The following SHLD1 variants were observed in gnomAD, a reference collection of about 807,000 sequenced individuals.
SHLD1 encodes shieldin complex subunit 1, also known as RINN1-REV7-interacting novel NHEJ regulator 3.
A neutral mutation model predicts 5.5 loss-of-function variants in SHLD1; 3 were observed. The ratio of observed to expected loss-of-function variants is 0.54; its 90% confidence interval spans 0.25 to 1.40. The LOEUF is 1.40. Among genes scored for constraint, SHLD1 ranks in the 40% most tolerant of loss-of-function variants. The pLI is 0.15. For synonymous variants in SHLD1, 92 were observed against 94.3 expected, an observed-to-expected ratio of 0.98 and a Z score of 0.14; for missense variants, 210 against 244.4, an observed-to-expected ratio of 0.86 and a Z score of 0.94.
intron 2 of SHLD1, among the ~76,000 whole-genome samples, chr20:5,785,066 T>A (rs145292716): frequency 6.6e-6 from 1 of 152,342 alleles, no homozygotes; most frequent in East Asian, 1.9e-4. Context: ...TACTCAGCTA[T>A]GTCTTCTTAA....
At chr20:5,826,926 C>A (rs1404451801) in intron 2 of SHLD1, among the ~76,000 whole-genome samples, 2 of 150,520 alleles carry the variant, frequency 1.3e-5, no homozygotes, top group Admixed American at 1.3e-4. Flanking sequence ...CACCACATCA[C>A]CACCTACCAT....
At chr20:5,789,150 GAAGAA>G (rs2122297716) in intron 2 of SHLD1, among the ~76,000 whole-genome samples, 2 of 147,442 alleles carry the variant, frequency 1.4e-5, no homozygotes, top group South Asian at 4.3e-4. Flanking sequence ...AAACAAAAAA[GAAGAA>G]AAGAAAAAGT....
At chr20:5,801,651 C>T (rs1249417229) in intron 2 of SHLD1, among the ~76,000 whole-genome samples, 1 of 152,152 alleles carries the variant, frequency 6.6e-6, no homozygotes, top group African/African-American at 2.4e-5. Context: ...AGCCACAGCT[C>T]AAGTGTGCAC....
At chr20:5,826,527 C>G (rs183803189) in intron 2 of SHLD1, among the ~76,000 whole-genome samples, 40 of 152,194 alleles carry the variant, frequency 2.6e-4, no homozygotes, top group African/African-American at 9.6e-4. Flanking sequence ...AAGTGGCTTT[C>G]CTTTGACAGT....
Position 5,817,430 on chromosome 20 carries a change from CTCTG to C in SHLD1, c.178+44389_178+44392del, listed in dbSNP as rs1311187245. 4.2e-3 allele frequency among the ~76,000 whole-genome samples: 417 copies of C among 99,464 alleles called. 1 individual carries two copies. The highest frequency in any genetic ancestry group is 7.9e-3 in the East Asian group (29 of 3,666). 65.3% of individuals were successfully genotyped at this position (99,464 alleles called of 152,430 possible). On this transcript the variant is annotated intron_variant, in intron 2 of 2. Coordinates refer to ENST00000303142, the MANE Select transcript of SHLD1 (RefSeq NM_152504.4). ...TCTCTCTCTCTCTCTCTCTCTCTCT[CTCTG>C]TGTGTGTGTGTGTGTGTGTGTGTGT...
At chr20:5,807,460 T>G (rs1192073066) in intron 2 of SHLD1, among the ~76,000 whole-genome samples, 1 of 152,080 alleles carries the variant, frequency 6.6e-6, no homozygotes, top group Non-Finnish European at 1.5e-5. Flanking sequence ...AGCCTTGAAC[T>G]CCTGGGCTCA....
intron 1 of SHLD1, among the ~76,000 whole-genome samples, chr20:5,755,720 T>G (rs886837897): frequency 1.3e-5 from 2 of 152,010 alleles, no homozygotes; most frequent in Non-Finnish European, 2.9e-5. Context: ...CCACCGCGCC[T>G]GGCTAATTTT....
chr20:5,864,347 C>T lies in SHLD1; in HGVS notation c.*884C>T, dbSNP rs901375626. Among the ~76,000 whole-genome samples the T allele has an allele frequency of 2.6e-5, 4 of 152,228 alleles. No individual in the cohort carries two copies. The highest frequency in any genetic ancestry group is 7.2e-5 in the African/African-American group (3 of 41,458). ...ATTATGCTACGCTAGGCTGATGCCA[C>T]GTGGCCTTGTCAAGTTGTGTTTGAA... On this transcript the variant is annotated 3_prime_UTR_variant, in exon 3 of 3. Transcript: ENST00000303142.
At chr20:5,791,563 C>CAAAAAAA (rs34606715) in intron 2 of SHLD1, among the ~76,000 whole-genome samples, 3 of 61,012 alleles carry the variant, frequency 4.9e-5, no homozygotes, top group South Asian at 6.0e-4. Context: ...GACCCTGTCT[C>CAAAAAAA]AAAAAAAAAA....
At chr20:5,816,747 A>G (rs1271242621) in intron 2 of SHLD1, among the ~76,000 whole-genome samples, 6 of 152,174 alleles carry the variant, frequency 3.9e-5, no homozygotes, top group Non-Finnish European at 5.9e-5. Flanking sequence ...AGATATTCCT[A>G]TTTGTCATAC....
chr20:5,775,219 T>G (rs1211960082), intron 2 of SHLD1, among the ~76,000 whole-genome samples: 5 of 152,054 alleles, frequency 3.3e-5, no homozygotes, highest in Non-Finnish European at 2.9e-5. Context: ...TTTTTTAATT[T>G]TTTTGTAGAG....
At chr20:5,842,492 G>C (rs945040470) in intron 2 of SHLD1, among the ~76,000 whole-genome samples, 2 of 152,118 alleles carry the variant, frequency 1.3e-5, no homozygotes, top group African/African-American at 4.8e-5. Flanking sequence ...TTGCCTTCTT[G>C]TTTACAGAAC....
In SHLD1 at chr20:5,824,304, A is replaced by G. The variant is rs116803570; in HGVS notation, c.179-38720A>G. The stretch of plus-strand genomic sequence containing the variant: ...GATCTCTGCTCAGATGTGACTTCCA[A>G]GAAGCCTTCTTGCCTTCCCCATCCA... On this transcript the variant is annotated intron_variant, in intron 2 of 2. Transcript: ENST00000303142. 1.0e-2 allele frequency among the ~76,000 whole-genome samples: 1,521 copies of G among 152,336 alleles called. 27 individuals carry two copies. The highest frequency in any genetic ancestry group is 0.035 in the African/African-American group (1,452 of 41,578).
intron 2 of SHLD1, among the ~76,000 whole-genome samples, chr20:5,811,110 G>A (rs1429306115): frequency 6.6e-6 from 1 of 152,078 alleles, no homozygotes; most frequent in Non-Finnish European, 1.5e-5. Flanking sequence ...GGTGATCGAT[G>A]CCAAGTATTT....
intron 1 of SHLD1, among the ~76,000 whole-genome samples, chr20:5,755,820 G>A (rs1449935100): frequency 2.0e-5 from 3 of 152,086 alleles, no homozygotes; most frequent in African/African-American, 4.8e-5. Context: ...CGGCTTCCTG[G>A]AGTGCTGGGA....
chr20:5,849,680 C>T (rs1480404655), intron 2 of SHLD1, among the ~76,000 whole-genome samples: 1 of 152,130 alleles, frequency 6.6e-6, no homozygotes, highest in Admixed American at 6.5e-5. Flanking sequence ...CATTGAGGGG[C>T]CGGGCGCGGT....
intron 2 of SHLD1, among the ~76,000 whole-genome samples, chr20:5,826,938 C>T (rs894742263): frequency 6.6e-6 from 1 of 151,870 alleles, no homozygotes; most frequent in Non-Finnish European, 1.5e-5. Context: ...ACCTACCATC[C>T]CCCAGTCCCC....
At chr20:5,783,003 C>G (rs553730726) in intron 2 of SHLD1, among the ~76,000 whole-genome samples, 1 of 152,114 alleles carries the variant, frequency 6.6e-6, no homozygotes, top group Non-Finnish European at 1.5e-5. Flanking sequence ...AACCTAGTGG[C>G]TAATACCCAG....
intron 2 of SHLD1, among the ~76,000 whole-genome samples, chr20:5,814,483 C>A (rs6116962): frequency 6.6e-6 from 1 of 152,076 alleles, no homozygotes; most frequent in Non-Finnish European, 1.5e-5. Context: ...ATTTAAAATT[C>A]TTCTGAGCAC....
Sources: gnomAD v4.1 joint callset for allele counts (sites outside exome capture counted in the v4.1 genomes callset) on GRCh38, gnomAD v4.1.1 for gene constraint, MANE v1.5 for transcripts, NCBI Gene and HGNC (gene_info 2026-07-23, HGNC 2026-07-21) for gene names.